Variants in HTR7 observed in about 807,000 individuals in gnomAD.
HTR7 encodes the protein 5-hydroxytryptamine receptor 7.
HTR7 carries 16 observed loss-of-function variants against 34.0 expected under a neutral mutation model. The observed-to-expected ratio is 0.47, with a 90% CI of 0.32 to 0.71. The LOEUF is 0.71. HTR7 is among the 30% of genes least tolerant of loss of function. The pLI is 0.04. For missense variants in HTR7, 504 were observed against 625.5 expected (o/e 0.81, Z 2.07); for synonymous variants, 265 against 260.2 (o/e 1.02, Z -0.18).
In HTR7 at chr10:90,841,741, T is replaced by G. The variant is rs368296838; in HGVS notation, c.539+15392A>C. On this transcript the variant is annotated intron_variant, in intron 1 of 3. Coordinates refer to ENST00000336152, the MANE Select transcript of HTR7 (RefSeq NM_019859.4). ...CTGGCCGGGCGTGATGGCTCACACC[T>G]GTAATCTCAGCAATTTGGGAGGCCA... Among the ~76,000 whole-genome samples the G allele has an allele frequency of 1.3e-4, 20 of 152,332 alleles. No individual in the cohort carries two copies. The South Asian group carries it at 3.7e-3, about 28-fold the overall frequency.
chr10:90,764,856 T>C (rs1236754609), intron 1 of HTR7, among the ~76,000 whole-genome samples: 3 of 152,176 alleles, frequency 2.0e-5, no homozygotes, highest in African/African-American at 7.2e-5. Flanking sequence ...AATTATATTA[T>C]TTTTATCTTT....
chr10:90,753,395 A>G (rs1437564305), intron 1 of HTR7, among the ~76,000 whole-genome samples: 9 of 150,450 alleles, frequency 6.0e-5, no homozygotes, highest in African/African-American at 1.2e-4. Context: ...GAGAGAGAGA[A>G]AGAAACTAAT....
intron 1 of HTR7, among the ~76,000 whole-genome samples, chr10:90,812,511 C>T (rs1179412830): frequency 6.6e-6 from 1 of 152,192 alleles, no homozygotes; most frequent in Non-Finnish European, 1.5e-5. Flanking sequence ...CTGTTTTTCT[C>T]CTTCTCTTAT....
intron 1 of HTR7, among the ~76,000 whole-genome samples, chr10:90,752,140 T>C (rs549242567): frequency 6.6e-6 from 1 of 152,288 alleles, no homozygotes; most frequent in African/African-American, 2.4e-5. Context: ...CTTCTTAGGC[T>C]CCTCACTTCC....
chr10:90,772,906 T>G (rs1318631042), intron 1 of HTR7, among the ~76,000 whole-genome samples: 1 of 152,200 alleles, frequency 6.6e-6, no homozygotes, highest in Non-Finnish European at 1.5e-5. Context: ...ATGAGGAAAC[T>G]GAGGCTCAGA....
chr10:90,768,484 T>A (rs776192073), intron 1 of HTR7, among the ~76,000 whole-genome samples: 1 of 152,216 alleles, frequency 6.6e-6, no homozygotes, highest in South Asian at 2.1e-4. Context: ...TAAAATCTTG[T>A]GTGCCCTTCA....
At chr10:90,744,019 A>G (rs1844597070) in intron 2 of HTR7, 4 of 471,658 alleles carry the variant, frequency 8.5e-6, no homozygotes, top group South Asian at 6.9e-5. Context: ...TTGTACAGGA[A>G]AGAAAGAAAC....
At chr10:90,779,188 T>G (rs1341105051) in intron 1 of HTR7, among the ~76,000 whole-genome samples, 1 of 152,214 alleles carries the variant, frequency 6.6e-6, no homozygotes, top group Non-Finnish European at 1.5e-5. Context: ...TCTTGAAGAT[T>G]TTTTAAAAGA....
intron 1 of HTR7, among the ~76,000 whole-genome samples, chr10:90,820,847 T>G (rs1845968112): frequency 6.6e-6 from 1 of 152,212 alleles, no homozygotes; most frequent in Non-Finnish European, 1.5e-5. Context: ...AGTTGGGGAC[T>G]GTCTATAATC....
chr10:90,745,161 A>G (rs1844614151), intron 2 of HTR7, among the ~76,000 whole-genome samples: 1 of 152,244 alleles, frequency 6.6e-6, no homozygotes, highest in South Asian at 2.1e-4. Context: ...CCAGGCTGCT[A>G]TAACAAAATC....
chr10:90,790,809 G>A (rs1247258448), intron 1 of HTR7, among the ~76,000 whole-genome samples: 1 of 152,066 alleles, frequency 6.6e-6, no homozygotes. Flanking sequence ...TATGCAGAGA[G>A]AGAGAGAGAA....
At chr10:90,744,179 G>A (rs1483772053) in intron 2 of HTR7, among the ~76,000 whole-genome samples, 1 of 151,288 alleles carries the variant, frequency 6.6e-6, no homozygotes, top group African/African-American at 2.4e-5. Context: ...GCCACAAGAT[G>A]AGTGAGAGCT....
rs1844708527 is a variant in HTR7, at chr10:90,749,944, C to T, written c.540-350G>A. 6.6e-6 allele frequency among the ~76,000 whole-genome samples: 1 copy of T among 152,220 alleles called. No homozygotes were observed. The highest frequency in any genetic ancestry group is 2.1e-4 in the South Asian group (1 of 4,834). ...AAAATCAACCAGGACAACATATCAA[C>T]TCTGATGTAGGATGTTGTGACACAT... On this transcript the variant is annotated intron_variant, in intron 1 of 3. Transcript: ENST00000336152. The surrounding 1 kb of genome is among the most constrained non-coding windows in gnomAD (Gnocchi z 4.2).
At chr10:90,853,763 T>G (rs1311961735) in intron 1 of HTR7, among the ~76,000 whole-genome samples, 3 of 152,224 alleles carry the variant, frequency 2.0e-5, no homozygotes, top group Non-Finnish European at 2.9e-5. Flanking sequence ...TGCATGCCAT[T>G]ATATGTAAAT....
chr10:90,840,128 C>A (rs1846305011), intron 1 of HTR7, among the ~76,000 whole-genome samples: 2 of 151,102 alleles, frequency 1.3e-5, no homozygotes, highest in Non-Finnish European at 2.9e-5. Flanking sequence ...CCTCTCTCCT[C>A]TCCATCTCTC....
chr10:90,854,999 T>C (rs1304193173), intron 1 of HTR7, among the ~76,000 whole-genome samples: 1 of 152,196 alleles, frequency 6.6e-6, no homozygotes, highest in Non-Finnish European at 1.5e-5. Flanking sequence ...AGAAATAATA[T>C]ATTTTCCTTT....
chr10:90,762,482 T>C (rs957372970), intron 1 of HTR7, among the ~76,000 whole-genome samples: 5 of 152,216 alleles, frequency 3.3e-5, no homozygotes, highest in African/African-American at 1.2e-4. Context: ...AATGGAATTA[T>C]ATGGGTTTTT....
At chr10:90,795,677 C>T (rs376808223) in intron 1 of HTR7, among the ~76,000 whole-genome samples, 6 of 152,198 alleles carry the variant, frequency 3.9e-5, no homozygotes, top group Non-Finnish European at 8.8e-5. Context: ...GTTAAAAATA[C>T]ATCCATGACA....
intron 1 of HTR7, among the ~76,000 whole-genome samples, chr10:90,834,953 G>C (rs1322021857): frequency 1.3e-5 from 2 of 152,174 alleles, no homozygotes; most frequent in African/African-American, 4.8e-5. Flanking sequence ...GATATCTTGG[G>C]ACAGGGAATG....
Sources: allele counts gnomAD v4.1 joint callset (sites outside exome capture counted in the v4.1 genomes callset), GRCh38; gene constraint gnomAD v4.1.1; non-coding constraint Gnocchi (gnomAD v3.1); transcripts MANE v1.5; gene names NCBI Gene and HGNC (gene_info 2026-07-23, HGNC 2026-07-21).